Variants in SLC25A26 observed in about 807,000 individuals in gnomAD.
The protein encoded by SLC25A26 is mitochondrial S-adenosylmethionine carrier protein.
A neutral mutation model predicts 37.8 loss-of-function variants in SLC25A26; 36 were observed. The ratio of observed to expected loss-of-function variants is 0.95; its 90% CI spans 0.73 to 1.26. SLC25A26 has a LOEUF of 1.26. Among genes scored for constraint, SLC25A26 ranks in the 50% most tolerant of loss-of-function variants. The probability of loss-of-function intolerance (pLI) is 0.00; values close to 1 mark genes in which losing one functional copy is unlikely to be tolerated. For missense variants in SLC25A26, 390 were observed against 331.1 expected, an observed-to-expected ratio of 1.18 and a Z score of -1.38; for synonymous variants, 129 against 122.5, an observed-to-expected ratio of 1.05 and a Z score of -0.35.
upstream of SLC25A26, among the ~76,000 whole-genome samples, chr3:66,217,552 CTT>C (rs1305200365): frequency 2.7e-5 from 4 of 146,160 alleles, no homozygotes; most frequent in Non-Finnish European, 3.0e-5. Context: ...TTTACATATA[CTT>C]TTTTTTTTTT....
upstream of SLC25A26, chr3:66,220,822 C>G (rs185238962): frequency 6.4e-5 from 34 of 532,018 alleles, 1 homozygote; most frequent in African/African-American, 5.8e-4. Flanking sequence ...AAAGTTCCTC[C>G]GTCTAGCTGC....
intron 5 of SLC25A26, among the ~76,000 whole-genome samples, chr3:66,266,502 A>G (rs2073755819): frequency 6.6e-6 from 1 of 151,336 alleles, no homozygotes; most frequent in Non-Finnish European, 1.5e-5. Context: ...TGCCCATTAG[A>G]ATGAGATTGA....
Position 66,160,436 on chromosome 3 carries a change from G to T in SLC25A26, c.-354+26452G>T, listed in dbSNP as rs548061047. Among the ~76,000 whole-genome samples the T allele has an allele frequency of 2.6e-5, 4 of 152,264 alleles. No individual in the cohort carries two copies. The South Asian group carries it at 8.3e-4, about 32-fold the overall frequency. ...GAGCCAAAACACTGTCAAGATGACT[G>T]ATCAATTCCGTTAAAATAAAGTTCT... On this transcript the variant is annotated intron_variant, in intron 1 of 10. Coordinates refer to the SLC25A26 transcript ENST00000676754.
intron 1 of SLC25A26, among the ~76,000 whole-genome samples, chr3:66,223,276 G>A (rs1553659337): frequency 6.6e-6 from 1 of 152,158 alleles, no homozygotes; most frequent in African/African-American, 2.4e-5. Context: ...AATTTTTGAT[G>A]ATCAGAGTGG....
intron 5 of SLC25A26, among the ~76,000 whole-genome samples, chr3:66,340,033 G>T (rs2076173384): frequency 6.7e-6 from 1 of 150,214 alleles, no homozygotes; most frequent in African/African-American, 2.5e-5. Context: ...TTTTATATAG[G>T]GTTATGAGGT....
chr3:66,139,711 C>T (rs2070006064), intron 1 of SLC25A26, among the ~76,000 whole-genome samples: 1 of 152,124 alleles, frequency 6.6e-6, no homozygotes, highest in Non-Finnish European at 1.5e-5. Context: ...TAAAAGATGA[C>T]ATTATAGGGT....
chr3:66,345,296 T>G (rs995529073), intron 5 of SLC25A26, among the ~76,000 whole-genome samples: 13 of 152,144 alleles, frequency 8.5e-5, no homozygotes, highest in African/African-American at 2.9e-4. Flanking sequence ...GGGTGCGAGC[T>G]TCCCACTGGC....
chr3:66,215,946 C>T (rs996878644), intron 1 of SLC25A26, among the ~76,000 whole-genome samples: 21 of 152,150 alleles, frequency 1.4e-4, no homozygotes, highest in Admixed American at 3.3e-4. Flanking sequence ...TTGGCAGATT[C>T]GGTGTCTGGG....
chr3:66,240,916 T>G (rs1415266061), intron 2 of SLC25A26, among the ~76,000 whole-genome samples: 2 of 151,990 alleles, frequency 1.3e-5, no homozygotes, highest in Non-Finnish European at 2.9e-5. Flanking sequence ...CGGCTAATTT[T>G]TTTGTATTTT....
At chr3:66,142,508 C>A (rs1261285386) in intron 1 of SLC25A26, among the ~76,000 whole-genome samples, 1 of 152,260 alleles carries the variant, frequency 6.6e-6, no homozygotes, top group East Asian at 1.9e-4. Flanking sequence ...GATGGCCACA[C>A]TATACTCAGA....
intron 1 of SLC25A26, among the ~76,000 whole-genome samples, chr3:66,211,341 C>G (rs973068623): frequency 2.6e-5 from 4 of 152,226 alleles, no homozygotes; most frequent in East Asian, 3.9e-4. Flanking sequence ...GACCACAGTG[C>G]CCTGAAGCTC....
At chr3:66,361,643 C>T (rs530235358) in intron 6 of SLC25A26, among the ~76,000 whole-genome samples, 2 of 152,250 alleles carry the variant, frequency 1.3e-5, no homozygotes, top group Admixed American at 1.3e-4. Context: ...ACATGAAAAG[C>T]AACTCAACAT....
At chr3:66,281,251 C>A (rs1246475586) in intron 5 of SLC25A26, among the ~76,000 whole-genome samples, 1 of 152,172 alleles carries the variant, frequency 6.6e-6, no homozygotes, top group Non-Finnish European at 1.5e-5. Flanking sequence ...AAAAGTCTTA[C>A]ACTTGGTGAG....
intron 1 of SLC25A26, among the ~76,000 whole-genome samples, chr3:66,164,519 C>T (rs898351333): frequency 6.2e-4 from 94 of 152,198 alleles, no homozygotes; most frequent in African/African-American, 2.2e-3. Context: ...TTATATCCTA[C>T]AGGCCAGACT....
chr3:66,288,559 GAGTGGGAACATGC>G (rs1365715738), intron 5 of SLC25A26, among the ~76,000 whole-genome samples: 1 of 152,074 alleles, frequency 6.6e-6, no homozygotes, highest in Non-Finnish European at 1.5e-5. Context: ...TCCCACTTAT[GAGTGGGAACATGC>G]AGTGTTTGGT....
At chr3:66,172,959 G>A (rs888740540) in intron 1 of SLC25A26, among the ~76,000 whole-genome samples, 1 of 152,168 alleles carries the variant, frequency 6.6e-6, no homozygotes, top group African/African-American at 2.4e-5. Context: ...CACATTCTGA[G>A]GAACAGAAGG....
chr3:66,376,460 G>C (rs1224291588), intron 9 of SLC25A26, among the ~76,000 whole-genome samples: 3 of 152,158 alleles, frequency 2.0e-5, no homozygotes, highest in African/African-American at 4.8e-5. Flanking sequence ...TGGTCAGTTA[G>C]CAGCCATCAT....
intron 3 of SLC25A26, among the ~76,000 whole-genome samples, chr3:66,261,143 A>G (rs1042712246): frequency 2.0e-5 from 3 of 152,206 alleles, no homozygotes; most frequent in African/African-American, 4.8e-5. Context: ...CATAACTTTC[A>G]TGTTCAAGGT....
chr3:66,321,898 A>G (rs1219401574), intron 5 of SLC25A26, among the ~76,000 whole-genome samples: 1 of 152,118 alleles, frequency 6.6e-6, no homozygotes, highest in African/African-American at 2.4e-5. Flanking sequence ...TTACCTGTTC[A>G]TTATCCTGGA....
Sources: allele counts gnomAD v4.1 joint callset (sites outside exome capture counted in the v4.1 genomes callset), GRCh38; gene constraint gnomAD v4.1.1; transcripts MANE v1.5; gene names NCBI Gene and HGNC (gene_info 2026-07-23, HGNC 2026-07-21).